Variants in VWA3B observed in about 807,000 individuals in gnomAD.
VWA3B encodes the protein von Willebrand factor A domain containing 3B.
In VWA3B, 138 loss-of-function variants were observed where a neutral mutation model predicts 158.3. That is an observed-to-expected ratio of 0.87 (90% CI 0.76 to 1.00). The LOEUF (loss-of-function observed/expected upper bound fraction) is 1.00, where lower values mean the gene tolerates loss of function less well. VWA3B is among the 50% of genes least tolerant of loss of function. The pLI, the probability that VWA3B is intolerant of heterozygous loss-of-function variation, is 0.00. For missense variants in VWA3B, 1,555 were observed against 1,565.1 expected (o/e 0.99, Z 0.11); for synonymous variants, 596 against 587.3 (o/e 1.01, Z -0.21).
intron 11 of VWA3B, among the ~76,000 whole-genome samples, chr2:98,193,670 A>G (rs1270623616): frequency 6.6e-6 from 1 of 150,548 alleles, no homozygotes; most frequent in East Asian, 1.9e-4. Context: ...AACCCGGCTC[A>G]CTGCAAGCTC....
At chr2:98,138,992 G>T (rs1404425456) in intron 7 of VWA3B, among the ~76,000 whole-genome samples, 1 of 152,230 alleles carries the variant, frequency 6.6e-6, no homozygotes, top group African/African-American at 2.4e-5. Context: ...AGCTTGCAGG[G>T]AGGTGTGGAG....
intron 19 of VWA3B, among the ~76,000 whole-genome samples, chr2:98,239,122 T>C (rs746872191): frequency 2.0e-5 from 3 of 152,192 alleles, no homozygotes; most frequent in Non-Finnish European, 4.4e-5. Flanking sequence ...GTGTAAAATG[T>C]TCAGAAGCCT....
chr2:98,216,015 T>C (rs1244175383), intron 13 of VWA3B, among the ~76,000 whole-genome samples: 1 of 152,212 alleles, frequency 6.6e-6, no homozygotes, highest in Non-Finnish European at 1.5e-5. Context: ...TTCACTGGCT[T>C]TATAGGAACT....
chr2:98,289,649 T>C (rs1265312378), intron 22 of VWA3B, among the ~76,000 whole-genome samples: 2 of 152,162 alleles, frequency 1.3e-5, no homozygotes, highest in African/African-American at 4.8e-5. Context: ...GGCTGGGATA[T>C]TGGATTTCTG....
intron 12 of VWA3B, among the ~76,000 whole-genome samples, chr2:98,199,567 G>A (rs1682356163): frequency 6.6e-6 from 1 of 152,192 alleles, no homozygotes; most frequent in Non-Finnish European, 1.5e-5. Context: ...GCATTAGGTT[G>A]TGTTAAAGGA....
chr2:98,304,736 T>A (rs1480744216), intron 26 of VWA3B, among the ~76,000 whole-genome samples: 51 of 152,166 alleles, frequency 3.4e-4, no homozygotes, highest in Non-Finnish European at 1.5e-5. Context: ...GATCCCTGGA[T>A]TCTTCTCACC....
At position 98,090,213 on chromosome 2, in the gene VWA3B, C is replaced by G. The variant is rs138370942; in HGVS notation, c.-32-2848C>G. ...TAAAAGACTTTCTTTCAGCTCCAGTCTTTGTGGATAGATCCTCAAAAACAA... is the reference window on the plus strand; with the variant it reads ...TAAAAGACTTTCTTTCAGCTCCAGTGTTTGTGGATAGATCCTCAAAAACAA... On this transcript the variant is annotated intron_variant, in intron 1 of 27. Coordinates refer to ENST00000477737, the MANE Select transcript of VWA3B (RefSeq NM_144992.5). Among the ~76,000 whole-genome samples the G allele has an allele frequency of 9.9e-3, 1,510 of 152,308 alleles. 112 individuals are homozygous for G. The highest frequency in any genetic ancestry group is 0.087 in the Admixed American group (1,325 of 15,304).
intron 2 of VWA3B, among the ~76,000 whole-genome samples, chr2:98,105,750 A>C (rs1216438437): frequency 6.7e-6 from 1 of 150,104 alleles, no homozygotes; most frequent in Non-Finnish European, 1.5e-5. Context: ...CACACACACA[A>C]AAGCAAATGG....
chr2:98,129,940 G>A (rs953263304), intron 6 of VWA3B, among the ~76,000 whole-genome samples: 2 of 152,164 alleles, frequency 1.3e-5, no homozygotes, highest in African/African-American at 4.8e-5. Context: ...TAGGTGGAAC[G>A]AGAGATTTGG....
At chr2:98,166,938 A>AT (rs1351548200) in intron 8 of VWA3B, among the ~76,000 whole-genome samples, 1 of 152,174 alleles carries the variant, frequency 6.6e-6, no homozygotes, top group Admixed American at 6.5e-5. Flanking sequence ...CTGGCTAGCC[A>AT]TCTCAGCTTT....
chr2:98,193,578 T>C (rs1479170103), intron 11 of VWA3B, among the ~76,000 whole-genome samples: 2 of 152,044 alleles, frequency 1.3e-5, no homozygotes, highest in African/African-American at 4.8e-5. Flanking sequence ...GCGGGGAGTG[T>C]TTGAGAAATA....
rs192258046 is a variant in VWA3B at position 98,127,568 on chromosome 2, A to G, written c.703-671A>G. ...TGCATCTTCCAGAATCACTGGTTTA[A>G]GCTGTGTGTGTGTGTGTGTGTGGGC... On this transcript the variant is annotated intron_variant, in intron 5 of 27. Transcript: ENST00000477737. 1.1e-3 allele frequency among the ~76,000 whole-genome samples: 105 copies of G among 99,464 alleles called. No individual in the cohort carries two copies. In the East Asian group the frequency reaches 0.033, roughly 32 times the overall value. 65.3% of individuals were successfully genotyped at this position (99,464 alleles called of 152,430 possible).
the VWA3B span, among the ~76,000 whole-genome samples, chr2:98,328,421 A>G: frequency 1.3e-5 from 2 of 152,208 alleles, no homozygotes; most frequent in African/African-American, 2.4e-5. Flanking sequence ...TATATTTGCT[A>G]GGTCATAATT....
intron 8 of VWA3B, among the ~76,000 whole-genome samples, chr2:98,180,029 TTCTC>T (rs1184482354): frequency 1.4e-5 from 2 of 144,926 alleles, no homozygotes; most frequent in South Asian, 4.5e-4. Context: ...TTTTTCTTTC[TTCTC>T]TCTCTCCTTC....
rs1682447838 is a variant in VWA3B, at chr2:98,092,901, G to A, written c.-32-160G>A. Among the ~76,000 whole-genome samples, 4 of 140,462 alleles carry A rather than the reference G, an allele frequency of 2.8e-5. 1 individual carries two copies. The highest frequency in any genetic ancestry group is 1.1e-4 in the African/African-American group (4 of 38,046). The allele number at this position is 140,462 out of a possible 152,430, so 92.1% of individuals were successfully genotyped here. A position where few individuals can be genotyped will look rare whatever the true frequency, so the allele number is the denominator to read the frequency against. On this transcript the variant is annotated intron_variant, in intron 1 of 27. Coordinates refer to ENST00000477737, the MANE Select transcript of VWA3B (RefSeq NM_144992.5). The stretch of plus-strand genomic sequence containing the variant: ...TTATGGATACCTCTTAGCAATTCAT[G>A]TGACTGTCCTCTTTTCCACCAAATA...
chr2:98,329,505 C>A, the VWA3B span, among the ~76,000 whole-genome samples: 1 of 151,780 alleles, frequency 6.6e-6, no homozygotes, highest in Non-Finnish European at 1.5e-5. Context: ...GGCAAACAAC[C>A]CTTTTTTTTT....
rs1342896972 is a variant in VWA3B at position 98,236,657 on chromosome 2, T to C, written c.2600T>C (p.Val867Ala). 6.2e-7 allele frequency: 1 copy of C among 1,614,238 alleles called. No individual in the cohort carries two copies. Among genetic ancestry groups the C allele is most frequent in the Non-Finnish European group, 8.5e-7 (1 of 1,180,038 alleles). ...KKLTLMDALS[V>A]AAVPHSSTYV... The stretch of plus-strand genomic sequence containing the variant: ...CTCACCCTCATGGATGCCTTGTCAG[T>C]GGCAGCAGTCCCGCACAGCTCCACC... Residue 867 changes from valine to alanine, a missense_variant, in exon 19 of 28, where the codon GTG becomes GCG. Transcript: ENST00000477737.
chr2:98,107,621 G>T (rs1673776124), intron 2 of VWA3B, among the ~76,000 whole-genome samples: 1 of 152,072 alleles, frequency 6.6e-6, no homozygotes, highest in Non-Finnish European at 1.5e-5. Flanking sequence ...TGTTTTCTGA[G>T]GATTTAATTC....
intron 13 of VWA3B, 143 bp downstream of exon 13, chr2:98,212,171 G>T: frequency 1.7e-6 from 1 of 605,886 alleles, no homozygotes. Context: ...GATCTGAGGT[G>T]AGAAAATACA....
Sources: gnomAD v4.1 joint callset for allele counts (sites outside exome capture counted in the v4.1 genomes callset) on GRCh38, gnomAD v4.1.1 for gene constraint, MANE v1.5 for transcripts, NCBI Gene and HGNC (gene_info 2026-07-23, HGNC 2026-07-21) for gene names.